The following FAM135B variants were observed in gnomAD, a reference collection of about 807,000 sequenced individuals.
FAM135B encodes the protein protein FAM135B.
Under a neutral mutation model 127.7 loss-of-function variants are expected in FAM135B, and 43 were observed. The ratio of observed to expected loss-of-function variants is 0.34; its 90% CI spans 0.26 to 0.43. The LOEUF (loss-of-function observed/expected upper bound fraction) is 0.43, where lower values mean the gene tolerates loss of function less well. Ranked by LOEUF, FAM135B falls within the 20% of genes least tolerant of loss-of-function variation. The pLI, the probability that FAM135B is intolerant of heterozygous loss-of-function variation, is 1.00. For synonymous variants in FAM135B, 670 were observed against 665.1 expected, an observed-to-expected ratio of 1.01 and a Z score of -0.11; for missense variants, 1,558 against 1,725.6, an observed-to-expected ratio of 0.90 and a Z score of 1.72.
At chr8:138,259,527 A>G (rs1044109022) in intron 4 of FAM135B, among the ~76,000 whole-genome samples, 1 of 152,174 alleles carries the variant, frequency 6.6e-6, no homozygotes, top group African/African-American at 2.4e-5. Context: ...AATTCTCAAC[A>G]AAGGTTAGCT....
intron 4 of FAM135B, among the ~76,000 whole-genome samples, chr8:138,263,915 G>C (rs1822723841): frequency 6.6e-6 from 1 of 152,174 alleles, no homozygotes; most frequent in Non-Finnish European, 1.5e-5. Context: ...GACTGGGAGA[G>C]GGACGACAAA....
intron 2 of FAM135B, among the ~76,000 whole-genome samples, chr8:138,340,910 A>C (rs2131057425): frequency 6.6e-6 from 1 of 151,634 alleles, no homozygotes. Context: ...ATCCAGCTCC[A>C]CCTCCCTGTG....
intron 2 of FAM135B, among the ~76,000 whole-genome samples, chr8:138,343,374 C>T (rs1430510299): frequency 2.0e-5 from 3 of 152,200 alleles, no homozygotes; most frequent in African/African-American, 7.2e-5. Flanking sequence ...CTGATCTCAG[C>T]TTTTCAGGCA....
intron 2 of FAM135B, among the ~76,000 whole-genome samples, chr8:138,355,908 C>T (rs1010104309): frequency 2.0e-5 from 3 of 152,122 alleles, no homozygotes; most frequent in Admixed American, 1.3e-4. Flanking sequence ...GCCCTCCTAA[C>T]GGTGTTAAGA....
chr8:138,445,678 C>A (rs1222329732), intron 1 of FAM135B, among the ~76,000 whole-genome samples: 1 of 152,134 alleles, frequency 6.6e-6, no homozygotes, highest in Non-Finnish European at 1.5e-5. Flanking sequence ...CTATTTATGA[C>A]AAACCCACGG....
chr8:138,185,130 A>C (rs1815434270), intron 9 of FAM135B, among the ~76,000 whole-genome samples: 2 of 152,158 alleles, frequency 1.3e-5, no homozygotes, highest in South Asian at 4.1e-4. Context: ...AACAGTGACC[A>C]CAGTGGACAG....
At chr8:138,481,497 G>A (rs984582045) in intron 1 of FAM135B, among the ~76,000 whole-genome samples, 4 of 152,184 alleles carry the variant, frequency 2.6e-5, no homozygotes, top group South Asian at 2.1e-4. Context: ...CTGAGCTAAC[G>A]CCAGTGGAGC....
intron 7 of FAM135B, among the ~76,000 whole-genome samples, chr8:138,208,206 C>T (rs533302253): frequency 5.9e-5 from 9 of 152,034 alleles, no homozygotes; most frequent in East Asian, 1.9e-4. Flanking sequence ...GTAGAGGGTT[C>T]GAATAGGTCA....
chr8:138,369,157 T>C (rs1298232767), intron 1 of FAM135B, among the ~76,000 whole-genome samples: 1 of 151,998 alleles, frequency 6.6e-6, no homozygotes, highest in East Asian at 1.9e-4. Context: ...GGATAAGAGG[T>C]AATGACTTGC....
intron 7 of FAM135B, among the ~76,000 whole-genome samples, chr8:138,218,676 G>T (rs1284635943): frequency 2.0e-5 from 3 of 151,656 alleles, no homozygotes; most frequent in African/African-American, 7.3e-5. Context: ...ATGGGCAGTG[G>T]ATTTCTTGCC....
chr8:138,465,732 TCACCTGGCTGCTGA>T (rs1837346699), intron 1 of FAM135B, among the ~76,000 whole-genome samples: 1 of 151,374 alleles, frequency 6.6e-6, no homozygotes, highest in South Asian at 2.1e-4. Context: ...CATCTCATGT[TCACCTGGCTGCTGA>T]CTTGTTGCTG....
intron 3 of FAM135B, among the ~76,000 whole-genome samples, chr8:138,306,061 T>G (rs1368408703): frequency 6.6e-6 from 1 of 152,134 alleles, no homozygotes; most frequent in Non-Finnish European, 1.5e-5. Flanking sequence ...ACACTTTTAC[T>G]AAGAAAAATT....
chr8:138,156,799 T>A (rs1038738621), intron 12 of FAM135B, among the ~76,000 whole-genome samples: 1 of 152,136 alleles, frequency 6.6e-6, no homozygotes, highest in Non-Finnish European at 1.5e-5. Context: ...ATTGAGGCAG[T>A]GATTAATAGC....
intron 7 of FAM135B, among the ~76,000 whole-genome samples, chr8:138,200,104 T>C (rs1425109987): frequency 1.3e-5 from 2 of 152,172 alleles, no homozygotes; most frequent in Non-Finnish European, 2.9e-5. Context: ...CACCACAGAG[T>C]ACAGGGAAGA....
At chr8:138,335,495 CAA>C (rs1828509269) in intron 2 of FAM135B, among the ~76,000 whole-genome samples, 1 of 152,042 alleles carries the variant, frequency 6.6e-6, no homozygotes, top group Non-Finnish European at 1.5e-5. Context: ...CAACAAAGAT[CAA>C]AAGAGACAAA....
In FAM135B at chr8:138,447,410, G is replaced by A. The variant is rs570085858; in HGVS notation, c.-20+49261C>T. ...GCAAAGACTTGGAACCAACCCAAAT[G>A]TCCAACAATGGTAGACTGGATTAAA... is the stretch of plus-strand genomic sequence containing the variant. On this transcript the variant is annotated intron_variant, in intron 1 of 19. Transcript: ENST00000395297. Among the ~76,000 whole-genome samples, 66 of 152,160 alleles carry A rather than the reference G, an allele frequency of 4.3e-4. 1 individual carries two copies. Among genetic ancestry groups the A allele is most frequent in the African/African-American group, 1.6e-3 (66 of 41,506 alleles).
Position 138,484,609 on chromosome 8 carries a change from G to C in FAM135B, c.-20+12062C>G, listed in dbSNP as rs961864275. Among the ~76,000 whole-genome samples the C allele has an allele frequency of 2.0e-5, 3 of 152,104 alleles. No homozygotes were observed. In the South Asian group the frequency reaches 6.2e-4, roughly 32 times the overall value. On this transcript the variant is annotated intron_variant, in intron 1 of 19. Coordinates refer to ENST00000395297, the MANE Select transcript of FAM135B (RefSeq NM_015912.4). ...CTACAGTCTACAGCTCATAGTAGGGGCTTAGAAAGAGCTTCCTTTTCCTCT... is the reference window on the plus strand; with the variant it reads ...CTACAGTCTACAGCTCATAGTAGGGCCTTAGAAAGAGCTTCCTTTTCCTCT...
In FAM135B at chr8:138,397,104, C is replaced by A. The variant is rs148931355; in HGVS notation, c.-19-29102G>T. On this transcript the variant is annotated intron_variant, in intron 1 of 19. Coordinates refer to ENST00000395297, the MANE Select transcript of FAM135B (RefSeq NM_015912.4). ...GTAGTCAGTCCCAGTCCTGAGCTGCCCAAGAACCGGATGAGCTGCTTTAGT... is the reference window on the plus strand; with the variant it reads ...GTAGTCAGTCCCAGTCCTGAGCTGCACAAGAACCGGATGAGCTGCTTTAGT... Among the ~76,000 whole-genome samples, 857 of 152,232 alleles carry A rather than the reference C, an allele frequency of 5.6e-3. 5 individuals carry two copies. Among genetic ancestry groups the A allele is most frequent in the Admixed American group, 9.2e-3 (140 of 15,294 alleles).
chr8:138,495,191 A>T (rs1208366421), intron 1 of FAM135B, among the ~76,000 whole-genome samples: 1 of 152,244 alleles, frequency 6.6e-6, no homozygotes, highest in Non-Finnish European at 1.5e-5. Context: ...TCCTCTCCAC[A>T]TCCCATTGGA....
Sources: gnomAD v4.1 joint callset for allele counts (sites outside exome capture counted in the v4.1 genomes callset) on GRCh38, gnomAD v4.1.1 for gene constraint, MANE v1.5 for transcripts, NCBI Gene and HGNC (gene_info 2026-07-23, HGNC 2026-07-21) for gene names.